Variants in ASIC5 observed in about 807,000 individuals in gnomAD.
ASIC5 encodes bile acid-sensitive ion channel.
Under a neutral mutation model 51.2 loss-of-function variants are expected in ASIC5, and 52 were observed. The observed-to-expected ratio is 1.02, with a 90% CI of 0.81 to 1.28. The LOEUF (loss-of-function observed/expected upper bound fraction) is 1.28, where lower values mean the gene tolerates loss of function less well. Among genes scored for constraint, ASIC5 ranks in the 50% most tolerant of loss-of-function variants. ASIC5 has a pLI of 0.00. For missense variants in ASIC5, 635 were observed against 595.0 expected (o/e 1.07, Z -0.70); for synonymous variants, 231 against 200.7 (o/e 1.15, Z -1.28).
chr4:155,857,321 A>T (rs1013265655), intron 2 of ASIC5, among the ~76,000 whole-genome samples: 3 of 151,942 alleles, frequency 2.0e-5, no homozygotes, highest in African/African-American at 7.2e-5. Context: ...ACAGAGTTTT[A>T]CCATGTTGCC....
rs201301251 is a variant in ASIC5, at chr4:155,843,769, T to G, written c.773A>C (p.His258Pro). ...AAACTGTGGCACCTTCTTTGGTGAA[T>G]GGATAACAAAGATGATCCCAGCATC... ...FVDAGIIFVIHSPKKVPQFDG... is the reference protein window; with the variant it reads ...FVDAGIIFVIPSPKKVPQFDG... The change falls in exon 5 of 10, where the codon CAT (histidine) becomes CCT (proline). Residue 258 changes from histidine (H) to proline (P), a missense_variant. By Grantham distance (77) the His-to-Pro change is moderately conservative. Coordinates refer to ENST00000537611, the MANE Select transcript of ASIC5 (RefSeq NM_017419.3). 1 of 1,613,676 alleles carries G rather than the reference T, an allele frequency of 6.2e-7. No homozygotes were observed. Among genetic ancestry groups the G allele is most frequent in the Non-Finnish European group, 8.5e-7 (1 of 1,179,704 alleles).
At chr4:155,847,883 A>G (rs1741293179) in intron 4 of ASIC5, among the ~76,000 whole-genome samples, 1 of 152,064 alleles carries the variant, frequency 6.6e-6, no homozygotes. Flanking sequence ...GTTTCTCTAT[A>G]AATTAATCAC....
chr4:155,854,098 A>C lies in ASIC5; in HGVS notation c.564T>G (p.Phe188Leu), dbSNP rs76212884. 36 of 1,612,178 alleles carry C rather than the reference A, an allele frequency of 2.2e-5. No individual in the cohort carries two copies. The highest frequency in any genetic ancestry group is 2.5e-5 in the Non-Finnish European group (29 of 1,179,046). The change falls in exon 3 of 10, where the codon TTT becomes TTG. Residue 188 changes from phenylalanine (F) to leucine (L), a missense_variant. By Grantham distance (22) the Phe-to-Leu change is conservative (BLOSUM62 0). Transcript: ENST00000537611. ...TTACCTTTGGGCTACATGGCTTTCC[A>C]AAAAACTCACAGTCCAACAAAGTGC... ...NNSTLLDCEF[F>L]GKPCSPKDFA...
intron 4 of ASIC5, among the ~76,000 whole-genome samples, chr4:155,849,292 G>T (rs991494763): frequency 6.6e-6 from 1 of 152,000 alleles, no homozygotes; most frequent in African/African-American, 2.4e-5. Context: ...ACCTCGAGTG[G>T]CGAGGAGATT....
At chr4:155,856,520 A>G (rs1197196213) in intron 2 of ASIC5, among the ~76,000 whole-genome samples, 1 of 152,078 alleles carries the variant, frequency 6.6e-6, no homozygotes, top group Non-Finnish European at 1.5e-5. Flanking sequence ...CAGGTCCTAA[A>G]ACTCTGTAAA....
At chr4:155,833,087 G>A (rs1422545774) in intron 8 of ASIC5, among the ~76,000 whole-genome samples, 1 of 152,096 alleles carries the variant, frequency 6.6e-6, no homozygotes, top group Non-Finnish European at 1.5e-5. Context: ...AGCAAGGCAG[G>A]ATTTTTGTCT....
intron 1 of ASIC5, among the ~76,000 whole-genome samples, 193 bp downstream of exon 1, chr4:155,865,994 T>G (rs1049366311): frequency 6.6e-6 from 1 of 152,202 alleles, no homozygotes; most frequent in African/African-American, 2.4e-5. Context: ...TAAAACTATT[T>G]TTGAGTCCCT....
Position 155,866,169 on chromosome 4 carries a change from A to G in ASIC5, c.40+18T>C, listed in dbSNP as rs781566541. Reference sequence around the variant, plus strand: ...AATGAAAAATATTACTGCTCTGAGGAGTTCACTCTTTACTCACCGTTCTCA... The same window carrying G: ...AATGAAAAATATTACTGCTCTGAGGGGTTCACTCTTTACTCACCGTTCTCA... On this transcript the variant is annotated intron_variant, in intron 1 of 9. Transcript: ENST00000537611. 5 of 1,527,682 alleles carry G rather than the reference A, an allele frequency of 3.3e-6. No homozygotes were observed. Among genetic ancestry groups the G allele is most frequent in the Non-Finnish European group, 3.6e-6 (4 of 1,103,724 alleles). 94.6% of individuals were successfully genotyped at this position (1,527,682 alleles called of 1,614,324 possible).
At chr4:155,831,142 T>A (rs1354908524) in intron 9 of ASIC5, among the ~76,000 whole-genome samples, 2 of 152,200 alleles carry the variant, frequency 1.3e-5, no homozygotes, top group African/African-American at 4.8e-5. Context: ...TTTTGCTTCC[T>A]CAGGTTCTTC....
chr4:155,835,163 AC>A (rs1007605498), intron 8 of ASIC5, among the ~76,000 whole-genome samples: 5 of 151,968 alleles, frequency 3.3e-5, no homozygotes, highest in Non-Finnish European at 7.4e-5. Flanking sequence ...GAGCTGATTA[AC>A]CCTCCAGCCA....
chr4:155,844,632 T>TC lies in ASIC5; in HGVS notation c.712-803_712-802insG, dbSNP rs1741199055. On this transcript the variant is annotated intron_variant, in intron 4 of 9. Coordinates refer to ENST00000537611, the MANE Select transcript of ASIC5 (RefSeq NM_017419.3). ...TTGTGGGGTTGTGTGTGTGTGTGTT[T>TC]TGGTTCTTTCTCTCATTGGATTTGA... Among the ~76,000 whole-genome samples, 7 of 152,170 alleles carry TC rather than the reference T, an allele frequency of 4.6e-5. No individual in the cohort carries two copies. The South Asian group carries it at 1.2e-3, about 27-fold the overall frequency.
intron 4 of ASIC5, among the ~76,000 whole-genome samples, chr4:155,850,539 T>C (rs1170850320): frequency 6.6e-6 from 1 of 152,014 alleles, no homozygotes; most frequent in African/African-American, 2.4e-5. Flanking sequence ...TTTTTCTCAA[T>C]TGACATTCAT....
At chr4:155,861,842 T>C (rs922364536) in intron 2 of ASIC5, among the ~76,000 whole-genome samples, 5 of 152,060 alleles carry the variant, frequency 3.3e-5, no homozygotes, top group African/African-American at 1.2e-4. Flanking sequence ...CTTCTCCTTA[T>C]AAGAACTTCA....
At position 155,851,248 on chromosome 4, in the gene ASIC5, C is replaced by T. The variant is rs575996447; in HGVS notation, c.711+943G>A. ...ATGACTCGAAAGTATTAATCAAATA[C>T]ATTACAAGTATATGTAGGTACATGC... On this transcript the variant is annotated intron_variant, in intron 4 of 9. Coordinates refer to ENST00000537611, the MANE Select transcript of ASIC5 (RefSeq NM_017419.3). Among the ~76,000 whole-genome samples, 3 of 152,078 alleles carry T rather than the reference C, an allele frequency of 2.0e-5. No individual in the cohort carries two copies. In the East Asian group the frequency reaches 5.8e-4, roughly 29 times the overall value.
chr4:155,837,834 ACT>A (rs1238085474), intron 7 of ASIC5, among the ~76,000 whole-genome samples: 1 of 151,566 alleles, frequency 6.6e-6, no homozygotes, highest in Non-Finnish European at 1.5e-5. Context: ...TGTACATAAT[ACT>A]CTCTCACACA....
chr4:155,852,450 TTA>T (rs1435233436), intron 3 of ASIC5, 134 bp from the exon 4 acceptor site: 1 of 709,282 alleles, frequency 1.4e-6, no homozygotes, highest in Non-Finnish European at 2.2e-6. Context: ...ATAGTCTGAT[TTA>T]TATGTGTATT....
chr4:155,850,826 T>C lies in ASIC5; in HGVS notation c.711+1365A>G, dbSNP rs148892521. On this transcript the variant is annotated intron_variant, in intron 4 of 9. Transcript: ENST00000537611. ...TACACTATTTCTTTAACACTAATGT[T>C]CTTTTTAATAAATCTTTTGTCAGAT... 4.5e-3 allele frequency among the ~76,000 whole-genome samples: 689 copies of C among 152,180 alleles called. 2 individuals carry two copies. The highest frequency in any genetic ancestry group is 0.015 in the African/African-American group (642 of 41,558).
chr4:155,838,499 T>C (rs1238410909), intron 7 of ASIC5, among the ~76,000 whole-genome samples: 1 of 152,216 alleles, frequency 6.6e-6, no homozygotes, highest in Non-Finnish European at 1.5e-5. Flanking sequence ...TGATTTCCTT[T>C]CTATTCTGTA....
chr4:155,835,755 A>C (rs1175574397), intron 8 of ASIC5, among the ~76,000 whole-genome samples: 1 of 152,178 alleles, frequency 6.6e-6, no homozygotes, highest in Non-Finnish European at 1.5e-5. Flanking sequence ...AAATCACTCC[A>C]TTAGCCCTGT....
Sources: allele counts gnomAD v4.1 joint callset (sites outside exome capture counted in the v4.1 genomes callset), GRCh38; gene constraint gnomAD v4.1.1; transcripts MANE v1.5; gene names NCBI Gene and HGNC (gene_info 2026-07-23, HGNC 2026-07-21).